Variants in PHF20L1 observed in about 807,000 individuals in gnomAD.
PHF20L1 encodes the protein PHD finger protein 20-like protein 1.
In PHF20L1, 44 loss-of-function variants were observed where a neutral mutation model predicts 125.5. The ratio of observed to expected loss-of-function variants is 0.35; its 90% CI spans 0.28 to 0.45. The LOEUF is 0.45. Ranked by LOEUF, PHF20L1 falls within the 20% of genes least tolerant of loss-of-function variation. The probability of loss-of-function intolerance (pLI) is 1.00; values close to 1 mark genes in which losing one functional copy is unlikely to be tolerated. For synonymous variants in PHF20L1, 380 were observed against 403.1 expected (o/e 0.94, Z 0.69); for missense variants, 1,012 against 1,217.2 (o/e 0.83, Z 2.51).
At chr8:132,807,858 A>T (rs1833917933) in intron 8 of PHF20L1, 2 of 423,436 alleles carry the variant, frequency 4.7e-6, no homozygotes, top group African/African-American at 4.1e-5. Flanking sequence ...AGTGTAATGC[A>T]TTCTTATTGG....
In PHF20L1 at chr8:132,814,794, T is replaced by C; in HGVS notation, c.1088T>C (p.Ile363Thr). The C allele has an allele frequency of 6.2e-7, 1 of 1,612,638 alleles. No individual in the cohort carries two copies. Among genetic ancestry groups the C allele is most frequent in the Non-Finnish European group, 8.5e-7 (1 of 1,178,950 alleles). ...GAATCTGGAGATTCTTCTGGGTGTA[T>C]AAAACCCCCTAAATCACCACTTTCC... is the stretch of plus-strand genomic sequence containing the variant. ...KHESGDSSGC[I>T]KPPKSPLSPE... is the part of the protein sequence containing the mutation. The change falls in exon 10 of 21, where the codon ATA (isoleucine) becomes ACA (threonine). Residue 363 changes from isoleucine (I) to threonine (T), a missense_variant. Coordinates refer to ENST00000395386, the MANE Select transcript of PHF20L1 (RefSeq NM_016018.5).
At chr8:132,843,143 C>A in intron 19 of PHF20L1, 1 of 1,108,394 alleles carries the variant, frequency 9.0e-7, no homozygotes, top group Non-Finnish European at 1.1e-6. Flanking sequence ...TTCGATGCTT[C>A]TAAAAAATGA....
At chr8:132,775,817 A>AC (rs1829644554) in intron 1 of PHF20L1, among the ~76,000 whole-genome samples, 172 bp downstream of exon 1, 1 of 135,598 alleles carries the variant, frequency 7.4e-6, no homozygotes, top group Admixed American at 7.3e-5. Context: ...TCCCTTCCTT[A>AC]CCCCCCTGCG....
chr8:132,842,023 T>C (rs1194912507), intron 18 of PHF20L1: 1 of 154,852 alleles, frequency 6.5e-6, no homozygotes, highest in African/African-American at 2.4e-5. Flanking sequence ...AAGATGTGTA[T>C]ACTTATCCAT....
At chr8:132,844,534 T>C (rs1838247957) in intron 20 of PHF20L1, among the ~76,000 whole-genome samples, 1 of 152,078 alleles carries the variant, frequency 6.6e-6, no homozygotes, top group Non-Finnish European at 1.5e-5. Flanking sequence ...TTTTACTTTT[T>C]TAAGGTGGAT....
intron 13 of PHF20L1, 42 bp downstream of exon 13, chr8:132,824,102 T>C: frequency 7.9e-7 from 1 of 1,265,646 alleles, no homozygotes; most frequent in South Asian, 1.2e-5. Context: ...ACTATAAAGC[T>C]TGACAGAGAG....
chr8:132,779,075 G>C (rs761524679), intron 2 of PHF20L1, among the ~76,000 whole-genome samples: 6 of 152,304 alleles, frequency 3.9e-5, no homozygotes, highest in East Asian at 3.9e-4. Context: ...TCTGGCGTTA[G>C]AGCTTGGCAC....
At chr8:132,798,677 G>A (rs1312105666) in intron 4 of PHF20L1, 95 bp from the exon 5 acceptor site, 16 of 721,276 alleles carry the variant, frequency 2.2e-5, no homozygotes, top group Non-Finnish European at 3.4e-5. Context: ...CATTCCTAAA[G>A]CATTTATCTA....
At chr8:132,812,750 G>T (rs1834541760) in intron 9 of PHF20L1, 2 of 983,208 alleles carry the variant, frequency 2.0e-6, no homozygotes, top group Non-Finnish European at 2.4e-6. Flanking sequence ...ATCTCAATTG[G>T]TATCAGCAAT....
chr8:132,785,751 G>T (rs1224316636), intron 2 of PHF20L1, among the ~76,000 whole-genome samples: 1 of 152,068 alleles, frequency 6.6e-6, no homozygotes. Flanking sequence ...TAAAGTTGAA[G>T]GAAGAGTATA....
chr8:132,829,501 A>G (rs934765103), intron 14 of PHF20L1, among the ~76,000 whole-genome samples: 1 of 151,984 alleles, frequency 6.6e-6, no homozygotes, highest in Non-Finnish European at 1.5e-5. Flanking sequence ...TCTGGGCCTA[A>G]GTAATATGGT....
At chr8:132,822,529 C>T (rs1835719795) in intron 12 of PHF20L1, among the ~76,000 whole-genome samples, 1 of 152,000 alleles carries the variant, frequency 6.6e-6, no homozygotes, top group South Asian at 2.1e-4. Flanking sequence ...GCACATGCCT[C>T]ATGGTTTGCA....
chr8:132,803,848 T>A lies in PHF20L1; in HGVS notation c.537T>A (p.Ala179=). ...EDWIALVKAA[A]AAAAKNKTGS... ...GGATAGCTTTAGTCAAAGCAGCTGC[T>A]GCAGCTGCAGCCAAGAACAAAACAG... Residue 179 remains alanine, a synonymous_variant, in exon 7 of 21, where the codon GCT becomes GCA. Coordinates refer to ENST00000395386, the MANE Select transcript of PHF20L1 (RefSeq NM_016018.5). The A allele has an allele frequency of 6.2e-7, 1 of 1,605,166 alleles. No homozygotes were observed. Among genetic ancestry groups the A allele is most frequent in the South Asian group, 1.1e-5 (1 of 90,674 alleles).
Position 132,845,828 on chromosome 8 carries a change from C to A in PHF20L1, c.2959C>A (p.Pro987Thr). Residue 987 changes from proline (P) to threonine (T), a missense_variant, in exon 21 of 21, where the codon CCT becomes ACT. Transcript: ENST00000395386. ...CACAGGGGAGTTGGAGCCACCAGAT[C>A]CTCTTGCAAGATTGCCCCAACTTAA... ...DFTGELEPPDPLARLPQLKRH... is the reference protein window; with the variant it reads ...DFTGELEPPDTLARLPQLKRH... The A allele has an allele frequency of 6.2e-7, 1 of 1,609,896 alleles. No homozygotes were observed. The highest frequency in any genetic ancestry group is 8.5e-7 in the Non-Finnish European group (1 of 1,176,382).
chr8:132,832,726 A>G (rs1241380751), intron 15 of PHF20L1, among the ~76,000 whole-genome samples: 2 of 152,146 alleles, frequency 1.3e-5, no homozygotes, highest in Non-Finnish European at 2.9e-5. Context: ...CGAAACTTAC[A>G]GGGTAAGTAG....
intron 13 of PHF20L1, chr8:132,824,979 G>T (rs1204916447): frequency 1.5e-6 from 2 of 1,329,670 alleles, no homozygotes; most frequent in Non-Finnish European, 2.0e-6. Flanking sequence ...ACCACATCAG[G>T]AAATTGAGAA....
chr8:132,842,469 ATTT>A (rs71276510), intron 18 of PHF20L1, 43 bp from the exon 19 acceptor site: 7 of 1,187,924 alleles, frequency 5.9e-6, no homozygotes, highest in African/African-American at 1.6e-5. Context: ...TTGTTAATAG[ATTT>A]TTTTTTTTTT....
At chr8:132,829,201 C>G (rs1024204278) in intron 14 of PHF20L1, among the ~76,000 whole-genome samples, 1 of 152,004 alleles carries the variant, frequency 6.6e-6, no homozygotes, top group Non-Finnish European at 1.5e-5. Context: ...ATTGTTTTTA[C>G]AATCAGATTC....
intron 17 of PHF20L1, 112 bp downstream of exon 17, chr8:132,837,923 A>G: frequency 1.4e-6 from 1 of 711,998 alleles, no homozygotes; most frequent in South Asian, 1.5e-5. Context: ...ACATGATGTC[A>G]TTGATAGGTT....
Sources: allele counts gnomAD v4.1 joint callset (sites outside exome capture counted in the v4.1 genomes callset), GRCh38; gene constraint gnomAD v4.1.1; transcripts MANE v1.5; gene names NCBI Gene and HGNC (gene_info 2026-07-23, HGNC 2026-07-21).